NRG1: variants seen among roughly 807,000 people sequenced by gnomAD.
The protein encoded by NRG1 is neuregulin 1, also known as pro-neuregulin-1, membrane-bound isoform.
Under a neutral mutation model 63.8 loss-of-function variants are expected in NRG1, and 18 were observed. That is an observed-to-expected ratio of 0.28 (90% confidence interval 0.19 to 0.42). NRG1 has a LOEUF of 0.42. Among genes scored for constraint, NRG1 ranks in the 10% least tolerant of loss-of-function variants. NRG1 has a pLI of 1.00. For missense variants in NRG1, 762 were observed against 814.7 expected (o/e 0.94, Z 0.79); for synonymous variants, 302 against 301.3 (o/e 1.00, Z -0.02).
intron 1 of NRG1, among the ~76,000 whole-genome samples, chr8:32,299,961 G>A (rs1324246831): frequency 6.6e-6 from 1 of 152,148 alleles, no homozygotes; most frequent in Non-Finnish European, 1.5e-5. Context: ...GCAGTTAGAT[G>A]AAGAGAGAAG....
chr8:32,755,324 C>T (rs919225803), intron 8 of NRG1, among the ~76,000 whole-genome samples: 2 of 152,136 alleles, frequency 1.3e-5, no homozygotes, highest in Admixed American at 6.5e-5. Context: ...AATGTTGCTG[C>T]ACGATACTCT....
intron 3 of NRG1, among the ~76,000 whole-genome samples, chr8:32,613,585 G>A (rs992147974): frequency 1.1e-4 from 16 of 152,032 alleles, no homozygotes; most frequent in African/African-American, 3.6e-4. Context: ...TTCTCGGTTA[G>A]ATCTCATAAT....
chr8:32,762,985 G>T (rs150947215), intron 11 of NRG1, among the ~76,000 whole-genome samples: 1 of 152,256 alleles, frequency 6.6e-6, no homozygotes, highest in African/African-American at 2.4e-5. Context: ...ATAGCTGTGG[G>T]TTTTGGAAGA....
intron 7 of NRG1, chr8:32,750,971 TTACCCCAAACCCTTC>T (rs1290282045): frequency 6.6e-6 from 1 of 152,156 alleles, no homozygotes; most frequent in Non-Finnish European, 1.5e-5. Context: ...AATTCTACCA[TTACCCCAAACCCTTC>T]TATCCTTAAC....
intron 1 of NRG1, among the ~76,000 whole-genome samples, chr8:32,274,969 G>C (rs1382552011): frequency 6.6e-6 from 1 of 152,162 alleles, no homozygotes; most frequent in Non-Finnish European, 1.5e-5. Context: ...AAGGGGAGCA[G>C]CATCTTTGAG....
At chr8:32,351,327 T>G (rs1357837918) in intron 1 of NRG1, among the ~76,000 whole-genome samples, 1 of 152,162 alleles carries the variant, frequency 6.6e-6, no homozygotes, top group African/African-American at 2.4e-5. Flanking sequence ...TACAGATGTG[T>G]TTCAAATGAT....
intron 1 of NRG1, among the ~76,000 whole-genome samples, chr8:32,208,078 T>C (rs1844263944): frequency 6.6e-6 from 1 of 152,184 alleles, no homozygotes; most frequent in Admixed American, 6.5e-5. Context: ...TAGGTCTCTG[T>C]CTAATGTCTA....
At chr8:31,793,270 A>G (rs954421043) in intron 1 of NRG1, among the ~76,000 whole-genome samples, 2 of 152,218 alleles carry the variant, frequency 1.3e-5, no homozygotes, top group Admixed American at 6.5e-5. Context: ...TTTCATGGAA[A>G]TTTGGAGCTC....
At chr8:32,102,581 A>G (rs1436956035) in intron 1 of NRG1, among the ~76,000 whole-genome samples, 1 of 152,192 alleles carries the variant, frequency 6.6e-6, no homozygotes, top group East Asian at 1.9e-4. Flanking sequence ...AAATTGTGCC[A>G]AGTGCCATGA....
At chr8:32,661,829 A>C (rs1802941443) in intron 5 of NRG1, among the ~76,000 whole-genome samples, 1 of 152,166 alleles carries the variant, frequency 6.6e-6, no homozygotes, top group African/African-American at 2.4e-5. Flanking sequence ...TCATATGGGG[A>C]AAATAAGTGT....
intron 1 of NRG1, among the ~76,000 whole-genome samples, chr8:31,658,441 A>G (rs184829894): frequency 1.1e-4 from 16 of 152,250 alleles, no homozygotes; most frequent in Admixed American, 3.9e-4. Flanking sequence ...TCTGTCGAGC[A>G]CTTAGGCAGT....
intron 1 of NRG1, among the ~76,000 whole-genome samples, chr8:32,473,632 C>T (rs548046450): frequency 1.3e-5 from 2 of 152,060 alleles, no homozygotes; most frequent in South Asian, 2.1e-4. Flanking sequence ...TTATGATTTC[C>T]GCAGACTTAA....
chr8:31,807,355 A>G (rs1474398359), intron 1 of NRG1, among the ~76,000 whole-genome samples: 1 of 152,106 alleles, frequency 6.6e-6, no homozygotes, highest in Non-Finnish European at 1.5e-5. Flanking sequence ...GTCACATTTT[A>G]TTGTATGTCT....
chr8:32,219,757 G>A (rs940657849), intron 1 of NRG1, among the ~76,000 whole-genome samples: 18 of 152,154 alleles, frequency 1.2e-4, no homozygotes, highest in African/African-American at 4.3e-4. Context: ...TGAATGCAGT[G>A]GTTAGATCCT....
At chr8:32,389,695 T>C (rs1289420953) in intron 1 of NRG1, among the ~76,000 whole-genome samples, 1 of 152,164 alleles carries the variant, frequency 6.6e-6, no homozygotes, top group African/African-American at 2.4e-5. Flanking sequence ...CAGAGTGATA[T>C]TGCTTCCAAT....
intron 5 of NRG1, among the ~76,000 whole-genome samples, chr8:32,661,980 G>A (rs1308072975): frequency 6.6e-6 from 1 of 152,054 alleles, no homozygotes; most frequent in African/African-American, 2.4e-5. Context: ...TCTATTGCAT[G>A]TTTCAAAACA....
At chr8:32,736,556 C>T (rs1186633807) in intron 6 of NRG1, among the ~76,000 whole-genome samples, 1 of 152,206 alleles carries the variant, frequency 6.6e-6, no homozygotes, top group African/African-American at 2.4e-5. Context: ...TATTTGTAAA[C>T]ATAGGCATCA....
intron 1 of NRG1, 55 bp downstream of exon 1, chr8:32,548,881 C>T (rs1315480807): frequency 6.0e-6 from 9 of 1,497,324 alleles, no homozygotes; most frequent in South Asian, 2.5e-5. Flanking sequence ...CCTCCTACTC[C>T]TCCTCCTCCT....
chr8:32,350,817 G>C (rs1178647812), intron 1 of NRG1, among the ~76,000 whole-genome samples: 2 of 152,060 alleles, frequency 1.3e-5, no homozygotes, highest in African/African-American at 2.4e-5. Flanking sequence ...GGGCCTCCTT[G>C]AATTTGTTAT....
Sources: allele counts gnomAD v4.1 joint callset (sites outside exome capture counted in the v4.1 genomes callset), GRCh38; gene constraint gnomAD v4.1.1; transcripts MANE v1.5; gene names NCBI Gene and HGNC (gene_info 2026-07-23, HGNC 2026-07-21).